CHODL: variants seen among roughly 807,000 people sequenced by gnomAD.
CHODL encodes transmembrane protein MT75.
In CHODL, 29 loss-of-function variants were observed where a neutral mutation model predicts 34.5. That is an observed-to-expected ratio of 0.84 (90% CI 0.63 to 1.15). The LOEUF is 1.15. Ranked by LOEUF, CHODL falls within the 50% of genes most tolerant of loss-of-function variation. The probability of loss-of-function intolerance (pLI) is 0.00; values close to 1 mark genes in which losing one functional copy is unlikely to be tolerated. For synonymous variants in CHODL, 125 were observed against 116.1 expected, an observed-to-expected ratio of 1.08 and a Z score of -0.49; for missense variants, 332 against 332.5, an observed-to-expected ratio of 1.00 and a Z score of 0.01.
chr21:18,015,867 G>T (rs2064068200), intron 1 of CHODL, among the ~76,000 whole-genome samples: 3 of 152,170 alleles, frequency 2.0e-5, no homozygotes, highest in African/African-American at 7.2e-5. Context: ...TCTTGTGGAA[G>T]AAATTTCTAA....
intron 2 of CHODL, among the ~76,000 whole-genome samples, chr21:18,234,957 A>G (rs574204399): frequency 1.4e-4 from 22 of 152,226 alleles, no homozygotes; most frequent in African/African-American, 5.1e-4. Flanking sequence ...ATCCATCTGG[A>G]AAAGGAAAGA....
rs1370586178 is a variant in CHODL at position 18,099,300 on chromosome 21, G to A, written c.-45+71329G>A. ...AGATGGATACTTAATTTTCCATGAT[G>A]TGGTTATTCTGCATTGCATGCCTTT... On this transcript the variant is annotated intron_variant, in intron 2 of 6. Transcript: ENST00000400127. Among the ~76,000 whole-genome samples, 6 of 151,952 alleles carry A rather than the reference G, an allele frequency of 3.9e-5. No homozygotes were observed. In the East Asian group the frequency reaches 1.2e-3, roughly 29 times the overall value.
At chr21:18,133,555 A>T (rs2072683771) in intron 2 of CHODL, among the ~76,000 whole-genome samples, 1 of 152,146 alleles carries the variant, frequency 6.6e-6, no homozygotes, top group Non-Finnish European at 1.5e-5. Flanking sequence ...TCTTTACAGG[A>T]AGTTTGTACA....
chr21:18,182,064 A>G (rs1439110431), intron 2 of CHODL, among the ~76,000 whole-genome samples: 1 of 152,102 alleles, frequency 6.6e-6, no homozygotes, highest in African/African-American at 2.4e-5. Context: ...TATGTTTTCA[A>G]TCCTTTTGAG....
intron 1 of CHODL, among the ~76,000 whole-genome samples, chr21:17,938,623 C>A (rs1319818284): frequency 1.3e-5 from 2 of 151,754 alleles, no homozygotes; most frequent in Non-Finnish European, 2.9e-5. Flanking sequence ...GGACTACAGG[C>A]GCCCGCCACC....
At chr21:18,096,525 G>C (rs545125404) in intron 2 of CHODL, among the ~76,000 whole-genome samples, 8 of 152,260 alleles carry the variant, frequency 5.3e-5, no homozygotes, top group African/African-American at 1.9e-4. Flanking sequence ...CTCTGGGAGT[G>C]TCTGTCTTAT....
At chr21:18,021,154 T>G (rs2064124263) in intron 1 of CHODL, among the ~76,000 whole-genome samples, 1 of 152,180 alleles carries the variant, frequency 6.6e-6, no homozygotes, top group Admixed American at 6.5e-5. Flanking sequence ...TGGATGACAT[T>G]GGTTAGGTCT....
chr21:18,251,519 A>ATT (rs1357324149), intron 1 of CHODL, among the ~76,000 whole-genome samples: 2 of 94,522 alleles, frequency 2.1e-5, no homozygotes, highest in African/African-American at 5.6e-5. Context: ...AATATATAAA[A>ATT]TATTTATTTT....
At chr21:18,164,316 G>A (rs1311797199) in intron 2 of CHODL, among the ~76,000 whole-genome samples, 2 of 152,176 alleles carry the variant, frequency 1.3e-5, no homozygotes, top group African/African-American at 4.8e-5. Context: ...ATGAAGCCAG[G>A]AATTCAATCT....
intron 2 of CHODL, among the ~76,000 whole-genome samples, chr21:18,070,268 A>C (rs1448883297): frequency 6.6e-6 from 1 of 151,846 alleles, no homozygotes; most frequent in African/African-American, 2.4e-5. Context: ...TGTTAATTTT[A>C]AGTAGAAAAA....
intron 1 of CHODL, among the ~76,000 whole-genome samples, chr21:17,989,160 A>C (rs2063777980): frequency 6.6e-6 from 1 of 152,174 alleles, no homozygotes; most frequent in South Asian, 2.1e-4. Context: ...TTTGCTGGAA[A>C]CTATATCCTG....
intron 2 of CHODL, among the ~76,000 whole-genome samples, chr21:18,078,902 G>A (rs998662070): frequency 3.3e-5 from 5 of 152,136 alleles, no homozygotes; most frequent in Admixed American, 2.0e-4. Flanking sequence ...CAGCTAACAT[G>A]AATCAGACAC....
In CHODL at chr21:18,181,554, C is replaced by T. The variant is rs557481726; in HGVS notation, c.-44-74955C>T. Among the ~76,000 whole-genome samples, 16 of 152,328 alleles carry T rather than the reference C, an allele frequency of 1.1e-4. No individual in the cohort carries two copies. The East Asian group carries it at 2.1e-3, about 20-fold the overall frequency. ...AGTAGCTGGAACTACAGGCGCCCGC[C>T]ACCACGCCCGGCTAATTTTTTGTAT... On this transcript the variant is annotated intron_variant, in intron 2 of 6. Transcript: ENST00000400127.
intron 1 of CHODL, among the ~76,000 whole-genome samples, chr21:17,919,441 C>T (rs1411294856): frequency 6.6e-6 from 1 of 152,196 alleles, no homozygotes; most frequent in East Asian, 1.9e-4. Context: ...TTTGGGATTC[C>T]ACCCTCTGAA....
Position 18,106,965 on chromosome 21 carries a change from C to G in CHODL, c.-45+78994C>G, listed in dbSNP as rs557373446. 1.2e-4 allele frequency among the ~76,000 whole-genome samples: 19 copies of G among 152,286 alleles called. 1 individual carries two copies. The highest frequency in any genetic ancestry group is 4.6e-4 in the African/African-American group (19 of 41,560). On this transcript the variant is annotated intron_variant, in intron 2 of 6. Coordinates refer to the CHODL transcript ENST00000400127. Reference sequence around the variant, plus strand: ...CAGAAGGAAAGAGTATGCTTGAAAACTGACAGAATCTGTCCTTTTATTTCC... The same window carrying G: ...CAGAAGGAAAGAGTATGCTTGAAAAGTGACAGAATCTGTCCTTTTATTTCC...
intron 2 of CHODL, among the ~76,000 whole-genome samples, chr21:18,057,323 T>C (rs2064595024): frequency 6.6e-6 from 1 of 152,092 alleles, no homozygotes; most frequent in Non-Finnish European, 1.5e-5. Flanking sequence ...GTGAATAGTT[T>C]TCATCTTTTT....
At chr21:17,920,987 T>C (rs2063179500) in intron 1 of CHODL, among the ~76,000 whole-genome samples, 1 of 152,182 alleles carries the variant, frequency 6.6e-6, no homozygotes, top group South Asian at 2.1e-4. Context: ...CCAAGCTCCC[T>C]TGCAGTTAGG....
At chr21:18,010,904 G>A (rs995051414) in intron 1 of CHODL, among the ~76,000 whole-genome samples, 22 of 152,260 alleles carry the variant, frequency 1.4e-4, no homozygotes, top group African/African-American at 5.1e-4. Flanking sequence ...CTTTCAGGAA[G>A]GAAGTTTCTC....
intron 1 of CHODL, among the ~76,000 whole-genome samples, chr21:17,923,587 G>C (rs1236405595): frequency 6.6e-6 from 1 of 151,530 alleles, no homozygotes; most frequent in African/African-American, 2.4e-5. Flanking sequence ...TCAGCCTCTG[G>C]AGTAGCTGGG....
Sources: allele counts gnomAD v4.1 joint callset (sites outside exome capture counted in the v4.1 genomes callset), GRCh38; gene constraint gnomAD v4.1.1; transcripts MANE v1.5; gene names NCBI Gene and HGNC (gene_info 2026-07-23, HGNC 2026-07-21).